The following KCNC2 variants were observed in gnomAD, a reference collection of about 807,000 sequenced individuals.
The protein encoded by KCNC2 is voltage-gated potassium channel KCNC2.
KCNC2 carries 21 observed loss-of-function variants against 44.5 expected under a neutral mutation model. The ratio of observed to expected loss-of-function variants is 0.47; its 90% confidence interval spans 0.33 to 0.68. The LOEUF (loss-of-function observed/expected upper bound fraction) is 0.68, where lower values mean the gene tolerates loss of function less well. KCNC2 is among the 30% of genes least tolerant of loss of function. The pLI is 0.01. For synonymous variants in KCNC2, 391 were observed against 339.1 expected (o/e 1.15, Z -1.68); for missense variants, 589 against 826.2 (o/e 0.71, Z 3.52).
At chr12:75,128,612 G>T (rs906167056) in intron 2 of KCNC2, among the ~76,000 whole-genome samples, 1 of 151,724 alleles carries the variant, frequency 6.6e-6, no homozygotes. Context: ...CAGAAGAAAA[G>T]AAAATCATAC....
chr12:75,050,580 A>G lies in KCNC2; in HGVS notation c.1425T>C (p.Asn475=). The G allele has an allele frequency of 6.2e-7, 1 of 1,613,538 alleles. No homozygotes were observed. The highest frequency in any genetic ancestry group is 8.5e-7 in the Non-Finnish European group (1 of 1,179,812). ...IAMPVPVIVN[N]FGMYYSLAMA... ...TTGCCAAGGAGTAGTACATTCCAAAATTATTGACAATGACAGGCACTGGCA... is the reference window on the plus strand; with the variant it reads ...TTGCCAAGGAGTAGTACATTCCAAAGTTATTGACAATGACAGGCACTGGCA... The change falls in exon 3 of 5, where the codon AAT becomes AAC. Residue 475 remains asparagine (N), a synonymous_variant. Coordinates refer to ENST00000549446, the MANE Select transcript of KCNC2 (RefSeq NM_139137.4).
chr12:75,082,154 TG>T (rs2137084187), intron 2 of KCNC2, among the ~76,000 whole-genome samples: 1 of 2,026 alleles, frequency 4.9e-4, no homozygotes, highest in East Asian at 0.01. Context: ...CTTTTAGAAG[TG>T]CTAGTGCTAT....
chr12:75,085,642 C>T (rs1295347432), intron 2 of KCNC2, among the ~76,000 whole-genome samples: 1 of 151,982 alleles, frequency 6.6e-6, no homozygotes, highest in Non-Finnish European at 1.5e-5. Context: ...TTAGGTCACA[C>T]ATATCTTCAA....
intron 2 of KCNC2, among the ~76,000 whole-genome samples, chr12:75,099,670 G>A (rs1432588614): frequency 6.6e-6 from 1 of 152,104 alleles, no homozygotes; most frequent in Non-Finnish European, 1.5e-5. Flanking sequence ...AATAAACTCA[G>A]CTTTTGCTCA....
chr12:75,185,848 C>A (rs951197455), intron 2 of KCNC2, among the ~76,000 whole-genome samples: 2 of 151,960 alleles, frequency 1.3e-5, no homozygotes, highest in African/African-American at 4.8e-5. Flanking sequence ...GAGTTCAAGA[C>A]TAGCCTGGTC....
intron 2 of KCNC2, among the ~76,000 whole-genome samples, chr12:75,175,794 C>A (rs536496361): frequency 1.8e-4 from 28 of 152,130 alleles, no homozygotes; most frequent in Non-Finnish European, 4.0e-4. Context: ...CATAACGCAA[C>A]CTATCCTAAC....
intron 2 of KCNC2, among the ~76,000 whole-genome samples, chr12:75,064,124 C>A (rs1882597024): frequency 6.6e-6 from 1 of 151,976 alleles, no homozygotes; most frequent in Non-Finnish European, 1.5e-5. Flanking sequence ...TCAGACTCCT[C>A]CCAAATAGAT....
chr12:75,043,649 A>AT, intron 4 of KCNC2: 1 of 1,284,722 alleles, frequency 7.8e-7, no homozygotes, highest in Non-Finnish European at 9.9e-7. Flanking sequence ...TTCTCTTTTC[A>AT]TTTTTTATTT....
chr12:75,176,351 A>G (rs919790787), intron 2 of KCNC2, among the ~76,000 whole-genome samples: 1 of 152,030 alleles, frequency 6.6e-6, no homozygotes, highest in Non-Finnish European at 1.5e-5. Context: ...GTGGGCTACT[A>G]TCTTAAAACA....
At position 75,058,703 on chromosome 12, in the gene KCNC2, G is replaced by A. The variant is rs144599259; in HGVS notation, c.688-7386C>T. On this transcript the variant is annotated intron_variant, in intron 2 of 4. Transcript: ENST00000549446. The stretch of plus-strand genomic sequence containing the variant: ...ACCACCTTTGTTAGTCCAGGTACCT[G>A]TAAACCAAAGGGTCCCCAAAACCTC... Among the ~76,000 whole-genome samples, 283 of 152,050 alleles carry A rather than the reference G, an allele frequency of 1.9e-3. 1 individual carries two copies. The highest frequency in any genetic ancestry group is 6.7e-3 in the African/African-American group (277 of 41,516).
intron 2 of KCNC2, among the ~76,000 whole-genome samples, chr12:75,087,319 A>G (rs1188970499): frequency 2.6e-5 from 4 of 152,086 alleles, no homozygotes. Flanking sequence ...TCACCTTAGC[A>G]TTAGTACATG....
Position 75,040,563 on chromosome 12 carries a change from T to C in KCNC2, c.*2542A>G, listed in dbSNP as rs1879796852. On this transcript the variant is annotated 3_prime_UTR_variant, in exon 5 of 5. Transcript: ENST00000549446. ...TAATAATGATAAAAGACTTAAACTA[T>C]GAATAATGTTGGTGAGTTCCATTTA... The C allele has an allele frequency of 6.5e-6, 1 of 153,294 alleles. No homozygotes were observed. Among genetic ancestry groups the C allele is most frequent in the Non-Finnish European group, 1.5e-5 (1 of 68,466 alleles). The allele number at this position is 153,294 out of a possible 1,614,324, so 9.5% of individuals were successfully genotyped here.
intron 2 of KCNC2, among the ~76,000 whole-genome samples, chr12:75,184,038 A>G (rs1892772451): frequency 6.6e-6 from 1 of 151,980 alleles, no homozygotes; most frequent in South Asian, 2.1e-4. Context: ...TCTCCATCCT[A>G]TTCCCTACTG....
intron 2 of KCNC2, among the ~76,000 whole-genome samples, chr12:75,171,950 T>C (rs943756533): frequency 1.3e-5 from 2 of 151,730 alleles, no homozygotes; most frequent in African/African-American, 2.4e-5. Flanking sequence ...TCATTTGTTC[T>C]CTTCTATTAA....
chr12:75,115,254 A>G (rs17114645), intron 2 of KCNC2, among the ~76,000 whole-genome samples: 8,513 of 152,204 alleles, frequency 0.056, 299 homozygotes, highest in African/African-American at 0.09. Flanking sequence ...GAAAACTGAT[A>G]CTTATGAAAC....
intron 2 of KCNC2, among the ~76,000 whole-genome samples, chr12:75,167,855 A>G (rs1891561790): frequency 2.0e-5 from 3 of 151,442 alleles, no homozygotes; most frequent in African/African-American, 7.3e-5. Flanking sequence ...CAATGTCTCA[A>G]GATTTTCTTA....
chr12:75,046,068 C>T (rs943813055), intron 4 of KCNC2, among the ~76,000 whole-genome samples: 5 of 151,522 alleles, frequency 3.3e-5, no homozygotes, highest in East Asian at 1.9e-4. Context: ...CCAACTGAAA[C>T]GATTAAGTGA....
chr12:75,049,622 C>T (rs545354655), intron 3 of KCNC2, among the ~76,000 whole-genome samples: 37 of 152,146 alleles, frequency 2.4e-4, no homozygotes, highest in African/African-American at 7.7e-4. Context: ...ATTCAAAATT[C>T]AGTTCTGAGA....
At chr12:75,087,154 C>G (rs1018776516) in intron 2 of KCNC2, among the ~76,000 whole-genome samples, 25 of 151,966 alleles carry the variant, frequency 1.6e-4, no homozygotes, top group African/African-American at 6.0e-4. Context: ...AAATATTAAA[C>G]CATTTTATCT....
Sources: gnomAD v4.1 joint callset for allele counts (sites outside exome capture counted in the v4.1 genomes callset) on GRCh38, gnomAD v4.1.1 for gene constraint, MANE v1.5 for transcripts, NCBI Gene and HGNC (gene_info 2026-07-23, HGNC 2026-07-21) for gene names.